USP9X: variants seen among roughly 807,000 people sequenced by gnomAD.
The protein encoded by USP9X is ubiquitin carboxyl-terminal hydrolase 9X.
USP9X carries 7 observed loss-of-function variants against 190.3 expected under a neutral mutation model. That is an observed-to-expected ratio of 0.04 (90% CI 0.02 to 0.07). The LOEUF (loss-of-function observed/expected upper bound fraction) is 0.07, where lower values mean the gene tolerates loss of function less well. USP9X is among the 10% of genes least tolerant of loss of function. USP9X has a pLI of 1.00. For synonymous variants in USP9X, 645 were observed against 659.5 expected, an observed-to-expected ratio of 0.98 and a Z score of 0.34; for missense variants, 1,010 against 1,916.9, an observed-to-expected ratio of 0.53 and a Z score of 8.83.
intron 29 of USP9X, 45 bp downstream of exon 29, chrX:41,197,555 T>A: frequency 9.2e-7 from 1 of 1,081,878 alleles, no homozygotes; most frequent in Non-Finnish European, 1.2e-6. Context: ...CATAACCTTC[T>A]AAATGTTTAT....
At chrX:41,127,103 A>G (rs917750475) in intron 2 of USP9X, among the ~76,000 whole-genome samples, 3 of 111,428 alleles carry the variant, frequency 2.7e-5, no homozygotes, top group Non-Finnish European at 5.7e-5. Context: ...TGTTCTAGTA[A>G]TTATATATCC....
At chrX:41,137,261 G>GA (rs757279718) in intron 6 of USP9X, among the ~76,000 whole-genome samples, 4 of 111,265 alleles carry the variant, frequency 3.6e-5, no homozygotes, top group African/African-American at 1.3e-4. Context: ...GGGTTAGTAG[G>GA]AAACAGACTG....
intron 2 of USP9X, among the ~76,000 whole-genome samples, chrX:41,126,839 T>C (rs1368091809): frequency 1.8e-5 from 2 of 111,850 alleles, no homozygotes; most frequent in Non-Finnish European, 3.8e-5. Context: ...TTTTTGGATA[T>C]GCTTTTTATG....
chrX:41,154,051 A>G (rs1052131092), intron 14 of USP9X, among the ~76,000 whole-genome samples: 5 of 111,850 alleles, frequency 4.5e-5, no homozygotes, highest in Middle Eastern at 4.6e-3. Context: ...ACATTTCCCA[A>G]TGAAATTCAG....
At chrX:41,183,131 G>GTT (rs1369358546) in intron 21 of USP9X, among the ~76,000 whole-genome samples, 1 of 109,950 alleles carries the variant, frequency 9.1e-6, no homozygotes, top group Non-Finnish European at 1.9e-5. Context: ...TAGAGATGGG[G>GTT]TTTCATCATG....
intron 14 of USP9X, among the ~76,000 whole-genome samples, chrX:41,157,634 C>T (rs1263110847): frequency 1.8e-5 from 2 of 111,359 alleles, no homozygotes; most frequent in African/African-American, 6.5e-5. Context: ...ATAGCCCAGT[C>T]ACTAAACAAG....
chrX:41,157,938 AT>A (rs1253189592), intron 14 of USP9X, among the ~76,000 whole-genome samples: 1 of 112,224 alleles, frequency 8.9e-6, no homozygotes, highest in African/African-American at 3.2e-5. Context: ...AAGAGAAATT[AT>A]TTTTTATTTA....
Position 41,230,524 on chromosome X carries a change from A to G in USP9X, c.7455A>G (p.Pro2485=), listed in dbSNP as rs1239361932. 3 of 1,209,143 alleles carry G rather than the reference A, an allele frequency of 2.5e-6. No individual in the cohort carries two copies. Among genetic ancestry groups the G allele is most frequent in the Non-Finnish European group, 3.4e-6 (3 of 894,863 alleles). Residue 2485 remains proline (P), a synonymous_variant, in exon 44 of 45, where the codon CCA becomes CCG. Transcript: ENST00000378308. The part of the protein sequence containing the change: ...PEEEPDDQDA[P]DEHESPPPED... ...AGGAGCCAGATGACCAAGATGCTCC[A>G]GATGAACATGAGTCGCCTCCACCTG...
chrX:41,215,525 A>T (rs1379443841), intron 34 of USP9X, among the ~76,000 whole-genome samples: 1 of 112,659 alleles, frequency 8.9e-6, no homozygotes, highest in African/African-American at 3.2e-5. Context: ...GTATGTTTTT[A>T]CTTGTGCGGC....
chrX:41,223,898 A>G (rs1227286564), intron 39 of USP9X, among the ~76,000 whole-genome samples: 3 of 111,912 alleles, frequency 2.7e-5, no homozygotes, highest in Non-Finnish European at 3.8e-5. Flanking sequence ...TGTTTATGAA[A>G]TAGTTTAAGA....
chrX:41,085,581 C>T lies in USP9X; in HGVS notation c.-687C>T. The stretch of plus-strand genomic sequence containing the variant: ...TCGCGCCTAGCCCCTCCCCGCCTTA[C>T]ACAGCTCCCGGGCCTCGCGGGAGCC... On this transcript the variant is annotated 5_prime_UTR_variant, in exon 1 of 45. Coordinates refer to ENST00000378308, the MANE Select transcript of USP9X (RefSeq NM_001039591.3). 1 of 270,678 alleles carries T rather than the reference C, an allele frequency of 3.7e-6. No individual in the cohort carries two copies. 22.3% of individuals were successfully genotyped at this position (270,678 alleles called of 1,213,427 possible). A position where few individuals can be genotyped will look rare whatever the true frequency, so the allele number is the denominator to read the frequency against.
At chrX:41,150,772 T>C (rs2062517415) in intron 12 of USP9X, 149 bp from the exon 13 acceptor site, 2 of 592,815 alleles carry the variant, frequency 3.4e-6, no homozygotes, top group Non-Finnish European at 4.9e-6. Context: ...TTTTATTATT[T>C]AAATTAAACT....
chrX:41,091,632 C>T (rs963227428), intron 1 of USP9X, among the ~76,000 whole-genome samples: 4 of 111,348 alleles, frequency 3.6e-5, no homozygotes, highest in Non-Finnish European at 7.5e-5. Flanking sequence ...TTTGCTAAAT[C>T]TTTTTACTTC....
At position 41,201,647 on chromosome X, in the gene USP9X, G is replaced by C. The variant is rs183015046; in HGVS notation, c.4824+367G>C. 3.6e-5 allele frequency among the ~76,000 whole-genome samples: 4 copies of C among 112,647 alleles called. No individual in the cohort carries two copies. The East Asian group carries it at 1.1e-3, about 31-fold the overall frequency. ...ACTACCTACCAGAATTTAAACTGCA[G>C]ATAATTTTTAGAATGGTTTGTACAT... On this transcript the variant is annotated intron_variant, in intron 31 of 44. Coordinates refer to ENST00000378308, the MANE Select transcript of USP9X (RefSeq NM_001039591.3).
rs1569166934 is a variant in USP9X at position 41,144,616 on chromosome X, A to G, written c.1409A>G (p.Asp470Gly). ...CCTGAACAACTTGATCATCTTTTTG[A>G]TTGTTTTAAGGTAATTGTTAACATA... The part of the protein sequence containing the change: ...FSPEQLDHLF[D>G]CFKASWTNAS... Residue 470 changes from aspartate to glycine, a missense_variant, in exon 11 of 45, where the codon GAT becomes GGT. Transcript: ENST00000378308. 8.3e-7 allele frequency: 1 copy of G among 1,200,405 alleles called. No homozygotes were observed. Among genetic ancestry groups the G allele is most frequent in the Non-Finnish European group, 1.1e-6 (1 of 886,048 alleles).
In USP9X at chrX:41,132,295, ATTTTTTTTT is replaced by A. The variant is rs11356870; in HGVS notation, c.322+776_322+784del. Among the ~76,000 whole-genome samples the A allele has an allele frequency of 5.1e-4, 28 of 54,596 alleles. No individual in the cohort carries two copies. In the South Asian group the frequency reaches 0.017, roughly 32 times the overall value. The allele number at this position is 54,596 out of a possible 115,157, so 47.4% of individuals were successfully genotyped here. On this transcript the variant is annotated intron_variant, in intron 4 of 44. Transcript: ENST00000378308. The stretch of plus-strand genomic sequence containing the variant: ...CAGGCATGCGCCACCATGCCCACTA[ATTTTTTTTT>A]TTTTTTTTTTTTTTTTGAGATGGAA...
chrX:41,098,100 C>A (rs1302798519), intron 1 of USP9X, among the ~76,000 whole-genome samples: 1 of 110,292 alleles, frequency 9.1e-6, no homozygotes, highest in Non-Finnish European at 1.9e-5. Flanking sequence ...TCCCTTATGC[C>A]TCTACCTCCT....
At chrX:41,218,797 A>T (rs1422084572) in intron 37 of USP9X, among the ~76,000 whole-genome samples, 200 bp downstream of exon 37, 4 of 112,095 alleles carry the variant, frequency 3.6e-5, no homozygotes, top group South Asian at 3.7e-4. Context: ...ATGTAAGAGA[A>T]TTTTCTCTGT....
intron 1 of USP9X, among the ~76,000 whole-genome samples, chrX:41,091,830 A>G (rs1309337316): frequency 4.5e-5 from 5 of 112,008 alleles, no homozygotes; most frequent in Non-Finnish European, 9.4e-5. Context: ...TATGTGTCAA[A>G]TCACATTAAT....
Sources: gnomAD v4.1 joint callset for allele counts (sites outside exome capture counted in the v4.1 genomes callset) on GRCh38, gnomAD v4.1.1 for gene constraint, MANE v1.5 for transcripts, NCBI Gene and HGNC (gene_info 2026-07-23, HGNC 2026-07-21) for gene names.